PCDHA9: variants seen among roughly 807,000 people sequenced by gnomAD.
PCDHA9 encodes protocadherin alpha-9.
In PCDHA9, 62 loss-of-function variants were observed where a neutral mutation model predicts 62.0. That is an observed-to-expected ratio of 1.00 (90% CI 0.81 to 1.23). The LOEUF (loss-of-function observed/expected upper bound fraction) is 1.23. Ranked by LOEUF, PCDHA9 falls within the 50% of genes most tolerant of loss-of-function variation. The probability of loss-of-function intolerance (pLI) is 0.00; values close to 1 mark genes in which losing one functional copy is unlikely to be tolerated. For synonymous variants in PCDHA9, 557 were observed against 567.6 expected (o/e 0.98, Z 0.27); for missense variants, 1,205 against 1,249.8 (o/e 0.96, Z 0.54).
intron 2 of PCDHA9, chr5:140,982,229 A>C (rs2096972091): frequency 3.2e-6 from 2 of 616,470 alleles, no homozygotes. Context: ...TTAATAAAAA[A>C]CAGAATTGCC....
chr5:140,869,604 AT>A, intron 1 of PCDHA9: 1 of 1,614,062 alleles, frequency 6.2e-7, no homozygotes, highest in Admixed American at 1.7e-5. Context: ...AGAATGCTCT[AT>A]TGACCTACAG....
intron 3 of PCDHA9, among the ~76,000 whole-genome samples, chr5:140,988,057 C>G (rs557714672): frequency 2.0e-4 from 30 of 152,188 alleles, no homozygotes; most frequent in Non-Finnish European, 3.7e-4. Context: ...GCACTGTCAA[C>G]ATGAATTTTT....
chr5:140,942,359 C>T (rs943225700), intron 1 of PCDHA9, among the ~76,000 whole-genome samples: 5 of 151,564 alleles, frequency 3.3e-5, no homozygotes, highest in Non-Finnish European at 5.9e-5. Flanking sequence ...TTGCAGTTAA[C>T]GGAGATTGCA....
intron 1 of PCDHA9, among the ~76,000 whole-genome samples, chr5:140,886,928 C>T (rs2061230435): frequency 6.6e-6 from 1 of 151,686 alleles, no homozygotes; most frequent in African/African-American, 2.4e-5. Flanking sequence ...TCTCTATGTG[C>T]CAGGCATGTT....
At chr5:141,005,701 C>CA (rs59860837) in intron 3 of PCDHA9, among the ~76,000 whole-genome samples, 506 of 7,758 alleles carry the variant, frequency 0.065, 109 homozygotes, top group Non-Finnish European at 0.076. Context: ...AACTCCGTCT[C>CA]AAAAAAAAAA....
chr5:140,956,644 C>G (rs2095298403), intron 1 of PCDHA9, among the ~76,000 whole-genome samples: 1 of 152,096 alleles, frequency 6.6e-6, no homozygotes, highest in Non-Finnish European at 1.5e-5. Flanking sequence ...GTTTTGGTAT[C>G]AGGATGATGC....
intron 1 of PCDHA9, chr5:140,863,012 G>T (rs1562573828): frequency 1.8e-6 from 1 of 552,298 alleles, no homozygotes; most frequent in Non-Finnish European, 3.6e-6. Context: ...CAGCTATGAC[G>T]CCTGGTTGTC....
rs543804071 is a variant in PCDHA9, at chr5:140,951,447, C to T, written c.2395-27502C>T. Among the ~76,000 whole-genome samples the T allele has an allele frequency of 2.2e-4, 34 of 152,004 alleles. No homozygotes were observed. In the South Asian group the frequency reaches 5.8e-3, roughly 26 times the overall value. On this transcript the variant is annotated intron_variant, in intron 1 of 3. Coordinates refer to ENST00000532602, the MANE Select transcript of PCDHA9 (RefSeq NM_031857.2). ...CCACAGGCTGTAGGAAGCATGATGC[C>T]GGCCATCTGCTTGGCTTCTGGGGAG...
intron 1 of PCDHA9, among the ~76,000 whole-genome samples, chr5:140,874,171 G>C (rs2054750145): frequency 6.6e-6 from 1 of 152,080 alleles, no homozygotes; most frequent in Admixed American, 6.5e-5. Flanking sequence ...ACTCTTTCCT[G>C]GTGTTGTAAA....
At chr5:140,988,092 C>T (rs1266366711) in intron 3 of PCDHA9, among the ~76,000 whole-genome samples, 6 of 152,174 alleles carry the variant, frequency 3.9e-5, no homozygotes, top group East Asian at 1.9e-4. Flanking sequence ...AGTGCAGCCT[C>T]GGGCCTTGTT....
intron 1 of PCDHA9, chr5:140,869,960 C>G: frequency 6.2e-7 from 1 of 1,612,264 alleles, no homozygotes; most frequent in Non-Finnish European, 8.5e-7. Flanking sequence ...TCAATTAAGC[C>G]CAATGGAAGA....
rs2150409863 is a variant in PCDHA9 at position 140,848,399 on chromosome 5, C to A, written c.-97C>A. 68 of 1,293,766 alleles carry A rather than the reference C, an allele frequency of 5.3e-5. 5 individuals are homozygous for A. In the Admixed American group the frequency reaches 5.7e-4, roughly 11 times the overall value. The allele number at this position is 1,293,766 out of a possible 1,614,324, so 80.1% of individuals were successfully genotyped here. A position where few individuals can be genotyped will look rare whatever the true frequency, so the allele number is the denominator to read the frequency against. The stretch of plus-strand genomic sequence containing the variant: ...TCTTTTTCACTCTCTCTGTGCTGAA[C>A]GATGGCGAACACAGCAGAATGGGAC... On this transcript the variant is annotated 5_prime_UTR_variant, in exon 1 of 4. Coordinates refer to ENST00000532602, the MANE Select transcript of PCDHA9 (RefSeq NM_031857.2).
Position 140,963,600 on chromosome 5 carries a change from G to A in PCDHA9, c.2395-15349G>A, listed in dbSNP as rs111244023. Among the ~76,000 whole-genome samples, 12 of 152,298 alleles carry A rather than the reference G, an allele frequency of 7.9e-5. No homozygotes were observed. In the South Asian group the frequency reaches 1.7e-3, roughly 21 times the overall value. ...CAAAATGTAGGATATAGTTCTAGAC[G>A]TAATTGGGAAAGCTTAACTTTGTTG... On this transcript the variant is annotated intron_variant, in intron 1 of 3. Transcript: ENST00000532602.
At chr5:140,886,680 G>T (rs1554182653) in intron 1 of PCDHA9, among the ~76,000 whole-genome samples, 1 of 151,946 alleles carries the variant, frequency 6.6e-6, no homozygotes, top group Non-Finnish European at 1.5e-5. Context: ...ACAAAAATTA[G>T]CGAGGCATGG....
intron 1 of PCDHA9, chr5:140,863,358 G>A (rs1432906108): frequency 8.0e-7 from 1 of 1,243,310 alleles, no homozygotes; most frequent in Non-Finnish European, 1.1e-6. Context: ...CGACGCTGCG[G>A]TGCTTGGCGC....
chr5:140,918,817 A>C (rs1554198772), intron 1 of PCDHA9, among the ~76,000 whole-genome samples: 1 of 62,248 alleles, frequency 1.6e-5, no homozygotes, highest in Non-Finnish European at 2.7e-5. Context: ...TGAACCAAAA[A>C]GTGGCCCCCT....
chr5:140,877,465 G>A, intron 1 of PCDHA9: 1 of 1,613,856 alleles, frequency 6.2e-7, no homozygotes, highest in Non-Finnish European at 8.5e-7. Context: ...CACGGCCACG[G>A]TGCTGGTGTC....
chr5:140,962,288 A>G (rs1310558261), intron 1 of PCDHA9, among the ~76,000 whole-genome samples: 2 of 152,192 alleles, frequency 1.3e-5, no homozygotes, highest in African/African-American at 4.8e-5. Flanking sequence ...TCAACCTTTA[A>G]TATTCTATGA....
intron 1 of PCDHA9, among the ~76,000 whole-genome samples, chr5:140,935,903 T>TTC (rs1289164766): frequency 4.6e-4 from 69 of 151,456 alleles, no homozygotes; most frequent in African/African-American, 1.6e-3. Flanking sequence ...TCTTTTTTTT[T>TTC]TTTTTTTGAG....
Sources: allele counts gnomAD v4.1 joint callset (sites outside exome capture counted in the v4.1 genomes callset), GRCh38; gene constraint gnomAD v4.1.1; transcripts MANE v1.5; gene names NCBI Gene and HGNC (gene_info 2026-07-23, HGNC 2026-07-21).